DACT2: variants seen among roughly 807,000 people sequenced by gnomAD.
DACT2 encodes the protein dishevelled binding antagonist of beta catenin 2.
In DACT2, 20 loss-of-function variants were observed where a neutral mutation model predicts 22.2. That is an observed-to-expected ratio of 0.90 (90% confidence interval 0.63 to 1.31). DACT2 has a LOEUF of 1.31. Among genes scored for constraint, DACT2 ranks in the 50% most tolerant of loss-of-function variants. DACT2 has a pLI of 0.00. For synonymous variants in DACT2, 463 were observed against 479.8 expected, an observed-to-expected ratio of 0.96 and a Z score of 0.46; for missense variants, 1,048 against 1,061.4, an observed-to-expected ratio of 0.99 and a Z score of 0.18.
chr6:168,313,998 T>G (rs1177692389), intron 1 of DACT2, among the ~76,000 whole-genome samples: 1 of 93,406 alleles, frequency 1.1e-5, no homozygotes, highest in Admixed American at 1.1e-4. Context: ...CACGCCGCGC[T>G]TGTAACCCCG....
At chr6:168,299,568 A>C (rs1362310078) in intron 3 of DACT2, 3 of 152,196 alleles carry the variant, frequency 2.0e-5, no homozygotes, top group Non-Finnish European at 4.4e-5. Flanking sequence ...TGTGACTCTG[A>C]GTGAGGTGAA....
At chr6:168,302,391 C>T (rs1284494240), downstream of DACT2, among the ~76,000 whole-genome samples, 1 of 152,216 alleles carries the variant, frequency 6.6e-6, no homozygotes, top group Non-Finnish European at 1.5e-5. Flanking sequence ...CCCACCACTG[C>T]TCTTGCTATA....
chr6:168,309,330 G>A (rs2114908443), intron 3 of DACT2, among the ~76,000 whole-genome samples: 1 of 99,408 alleles, frequency 1.0e-5, no homozygotes, highest in South Asian at 3.3e-4. Context: ...AGACGGGAAT[G>A]CGTTTAGACA....
At chr6:168,314,721 A>G (rs1231161969) in intron 1 of DACT2, among the ~76,000 whole-genome samples, 1 of 152,144 alleles carries the variant, frequency 6.6e-6, no homozygotes, top group Non-Finnish European at 1.5e-5. Context: ...TGTTCAGGAT[A>G]TGGAGATGGG....
At chr6:168,297,373 G>A (rs983783533) in intron 3 of DACT2, among the ~76,000 whole-genome samples, 9 of 152,298 alleles carry the variant, frequency 5.9e-5, no homozygotes, top group Middle Eastern at 3.4e-3. Context: ...TAATCACAGG[G>A]GTCCTCATGA....
At chr6:168,311,632 CCACACACA>C (rs145723575) in intron 1 of DACT2, among the ~76,000 whole-genome samples, 1 of 96,204 alleles carries the variant, frequency 1.0e-5, no homozygotes, top group Non-Finnish European at 2.2e-5. Flanking sequence ...ACACACCCAT[CCACACACA>C]CACACTCACA....
At chr6:168,297,889 T>A (rs949845677) in intron 3 of DACT2, among the ~76,000 whole-genome samples, 1 of 152,096 alleles carries the variant, frequency 6.6e-6, no homozygotes, top group Admixed American at 6.5e-5. Flanking sequence ...CGTGTGGAGG[T>A]GTCGGCGCAG....
Position 168,315,831 on chromosome 6 carries a change from G to A in DACT2, c.246+3557C>T, listed in dbSNP as rs548900349. Reference sequence around the variant, plus strand: ...TGGACAGGTGAGCACCAGGGTGGGCGGAGGGAACCCTGAGTTAGCCGGGAG... The same window carrying A: ...TGGACAGGTGAGCACCAGGGTGGGCAGAGGGAACCCTGAGTTAGCCGGGAG... On this transcript the variant is annotated intron_variant, in intron 1 of 3. Coordinates refer to ENST00000366795, the MANE Select transcript of DACT2 (RefSeq NM_214462.5). Among the ~76,000 whole-genome samples, 9 of 152,284 alleles carry A rather than the reference G, an allele frequency of 5.9e-5. No homozygotes were observed. The South Asian group carries it at 1.7e-3, about 28-fold the overall frequency.
At chr6:168,295,582 T>A (rs1020535792) in intron 3 of DACT2, among the ~76,000 whole-genome samples, 1 of 151,992 alleles carries the variant, frequency 6.6e-6, no homozygotes, top group Non-Finnish European at 1.5e-5. Context: ...AAGAAAAAAA[T>A]TTAAAAATTT....
rs1187584769 is a variant in DACT2 at position 168,307,089 on chromosome 6, C to T, written c.*343G>A. ...AAGGATTGGGAAACACTTCCCCAGCCAGAGGGGAGTGAGGGCAGGGGAAGC... is the reference window on the plus strand; with the variant it reads ...AAGGATTGGGAAACACTTCCCCAGCTAGAGGGGAGTGAGGGCAGGGGAAGC... On this transcript the variant is annotated 3_prime_UTR_variant, in exon 4 of 4. Coordinates refer to ENST00000366795, the MANE Select transcript of DACT2 (RefSeq NM_214462.5). The surrounding 1 kb of genome is among the most constrained non-coding windows in gnomAD (Gnocchi z 5.3). 2 of 1,078,234 alleles carry T rather than the reference C, an allele frequency of 1.9e-6. No individual in the cohort carries two copies. Among genetic ancestry groups the T allele is most frequent in the African/African-American group, 1.7e-5 (1 of 59,974 alleles). The allele number at this position is 1,078,234 out of a possible 1,614,324, so 66.8% of individuals were successfully genotyped here. A position where few individuals can be genotyped will look rare whatever the true frequency, so the allele number is the denominator to read the frequency against.
intron 1 of DACT2, among the ~76,000 whole-genome samples, chr6:168,312,159 A>G (rs1202200093): frequency 6.6e-6 from 1 of 152,194 alleles, no homozygotes; most frequent in Non-Finnish European, 1.5e-5. Context: ...TGTCAGCTTT[A>G]CCTGGAATAA....
intron 1 of DACT2, among the ~76,000 whole-genome samples, chr6:168,318,181 G>A (rs553745703): frequency 1.3e-5 from 2 of 152,382 alleles, no homozygotes; most frequent in East Asian, 1.9e-4. Flanking sequence ...ACACACAAAC[G>A]ACCTAAACAG....
chr6:168,310,110 C>A, intron 3 of DACT2, 58 bp downstream of exon 3: 1 of 1,538,432 alleles, frequency 6.5e-7, no homozygotes, highest in Admixed American at 2.1e-5. Flanking sequence ...CTGGGGACTG[C>A]ACTCTGCCAT....
chr6:168,307,151 C>G lies in DACT2; in HGVS notation c.*281G>C. On this transcript the variant is annotated 3_prime_UTR_variant, in exon 4 of 4. Transcript: ENST00000366795. This position sits in a 1 kb window ranked among gnomAD's most constrained non-coding sequence, Gnocchi z 5.3. ...GACAACATGGAAACAAGGTGCATGC[C>G]GGGAAGCAGCATCCTGGGCAGACCT... 8.0e-7 allele frequency: 1 copy of G among 1,251,838 alleles called. No individual in the cohort carries two copies. The highest frequency in any genetic ancestry group is 1.0e-6 in the Non-Finnish European group (1 of 995,440). The allele number at this position is 1,251,838 out of a possible 1,614,324, so 77.5% of individuals were successfully genotyped here.
chr6:168,311,548 A>ACC (rs1779403157), intron 1 of DACT2, among the ~76,000 whole-genome samples: 2 of 79,540 alleles, frequency 2.5e-5, no homozygotes, highest in South Asian at 5.0e-4. Context: ...ATCCACACAC[A>ACC]CATACACACA....
Position 168,310,279 on chromosome 6 carries a change from T to A in DACT2, c.547A>T (p.Thr183Ser). 1 of 1,551,450 alleles carries A rather than the reference T, an allele frequency of 6.4e-7. No homozygotes were observed. The highest frequency in any genetic ancestry group is 1.2e-5 in the South Asian group (1 of 84,044). ...GCCTGGGGTCTCCACGCTGGCACAGTAGTCTCATCAACCGACCGGGGCCTC... is the reference window on the plus strand; with the variant it reads ...GCCTGGGGTCTCCACGCTGGCACAGAAGTCTCATCAACCGACCGGGGCCTC... ...DWRPRSVDET[T>S]VPAWRPQATE... Residue 183 changes from threonine (T) to serine (S), a missense_variant, in exon 3 of 4, where the codon ACT becomes TCT. Transcript: ENST00000366795.
chr6:168,304,755 C>T (rs746397329), downstream of DACT2, among the ~76,000 whole-genome samples: 19 of 152,150 alleles, frequency 1.2e-4, no homozygotes, highest in South Asian at 4.1e-4. Context: ...AGGAGGAAGC[C>T]GACTCAGCCA....
downstream of DACT2, among the ~76,000 whole-genome samples, chr6:168,304,858 A>T (rs757451126): frequency 8.9e-4 from 135 of 152,216 alleles, no homozygotes; most frequent in Non-Finnish European, 1.1e-3. Flanking sequence ...AGCGGAGGCA[A>T]GGAGCCAGGG....
chr6:168,292,833 T>A (rs571244033), exon 6 of DACT2: 48 of 152,354 alleles, frequency 3.2e-4, no homozygotes, highest in African/African-American at 1.2e-3. Flanking sequence ...ATGATTCCTG[T>A]CTTTTACATA....
Sources: gnomAD v4.1 joint callset for allele counts (sites outside exome capture counted in the v4.1 genomes callset) on GRCh38, gnomAD v4.1.1 for gene constraint, Gnocchi (gnomAD v3.1) non-coding constraint, MANE v1.5 for transcripts, NCBI Gene and HGNC (gene_info 2026-07-23, HGNC 2026-07-21) for gene names.